The following DSG3 variants were observed in gnomAD, a reference collection of about 807,000 sequenced individuals.
DSG3 encodes the protein desmoglein 3, also known as desmoglein-3.
DSG3 carries 63 observed loss-of-function variants against 85.9 expected under a neutral mutation model. The observed-to-expected ratio is 0.73, with a 90% CI of 0.60 to 0.90. DSG3 has a LOEUF of 0.90. Ranked by LOEUF, DSG3 falls within the 40% of genes least tolerant of loss-of-function variation. DSG3 has a pLI of 0.00. For missense variants in DSG3, 1,220 were observed against 1,219.9 expected, an observed-to-expected ratio of 1.00 and a Z score of 0.00; for synonymous variants, 447 against 441.9, an observed-to-expected ratio of 1.01 and a Z score of -0.14.
At chr18:31,460,803 T>C in intron 6 of DSG3, 30 bp from the exon 7 acceptor site, 1 of 1,544,854 alleles carries the variant, frequency 6.5e-7, no homozygotes, top group South Asian at 1.3e-5. Flanking sequence ...TGGGATTAAT[T>C]ATTTTTCTTT....
intron 15 of DSG3, 24 bp from the exon 16 acceptor site, chr18:31,475,622 T>G (rs1437003054): frequency 5.0e-6 from 8 of 1,597,900 alleles, no homozygotes; most frequent in Non-Finnish European, 6.8e-6. Flanking sequence ...AAATTCATTT[T>G]TTCCCACTTT....
intron 8 of DSG3, 46 bp downstream of exon 8, chr18:31,461,458 C>A (rs1186362197): frequency 1.3e-5 from 18 of 1,430,636 alleles, no homozygotes; most frequent in Non-Finnish European, 1.6e-5. Flanking sequence ...TCTGTATTAA[C>A]CAAAATGATC....
rs2072762787 is a variant in DSG3, at chr18:31,458,461, A to G, written c.233A>G (p.Gln78Arg). 2 of 1,614,024 alleles carry G rather than the reference A, an allele frequency of 1.2e-6. No homozygotes were observed. The highest frequency in any genetic ancestry group is 1.7e-6 in the Non-Finnish European group (2 of 1,179,936). The change falls in exon 4 of 16, where the codon CAA becomes CGA. Residue 78 changes from glutamine to arginine, a missense_variant. Gln to Arg is a conservative substitution (Grantham distance 43, BLOSUM62 1). Transcript: ENST00000257189. ...NPIAKITSDY[Q>R]ATQKITYRIS... Reference sequence around the variant, plus strand: ...GGGCTGTAGATTACTTCAGATTACCAAGCAACCCAGAAAATCACCTACCGA... The same window carrying G: ...GGGCTGTAGATTACTTCAGATTACCGAGCAACCCAGAAAATCACCTACCGA...
At position 31,460,371 on chromosome 18, in the gene DSG3, G is replaced by A. The variant is rs1346432899; in HGVS notation, c.684+360G>A. ...GGGAGAAATTTCTGTCTGGAATAAA[G>A]CCTTCTTTTATATCACACTTTTTCT... On this transcript the variant is annotated intron_variant, in intron 6 of 15. Coordinates refer to ENST00000257189, the MANE Select transcript of DSG3 (RefSeq NM_001944.3). Among the ~76,000 whole-genome samples the A allele has an allele frequency of 3.3e-5, 5 of 152,136 alleles. No individual in the cohort carries two copies. In the East Asian group the frequency reaches 9.6e-4, roughly 29 times the overall value.
At chr18:31,457,577 CTTTCTTTCTTCTTTCTTTCTTTCTTTCT>C (rs2072754630) in intron 3 of DSG3, among the ~76,000 whole-genome samples, 17 of 78,620 alleles carry the variant, frequency 2.2e-4, no homozygotes, top group African/African-American at 6.6e-4. Flanking sequence ...TTCTTTCTTT[CTTTCTTTCTTCTTTCTTTCTTTCTTTCT>C]TTCTTTCTTT....
rs559795174 is a variant in DSG3 at position 31,458,071 on chromosome 18, C to T, written c.217-374C>T. Among the ~76,000 whole-genome samples, 72 of 152,202 alleles carry T rather than the reference C, an allele frequency of 4.7e-4. 1 individual carries two copies. The South Asian group carries it at 0.015, about 31-fold the overall frequency. On this transcript the variant is annotated intron_variant, in intron 3 of 15. Transcript: ENST00000257189. ...TTTCCCTTTTTGTCTCTCCACTTCC[C>T]CCTATTTAAACTAAATAAATATCTT...
chr18:31,454,523 A>G (rs2072729933), intron 1 of DSG3, among the ~76,000 whole-genome samples: 1 of 152,210 alleles, frequency 6.6e-6, no homozygotes, highest in Non-Finnish European at 1.5e-5. Flanking sequence ...TATGTCTGAC[A>G]TAATTACTCA....
In DSG3 at chr18:31,472,332, G is replaced by A; in HGVS notation, c.1946G>A (p.Gly649Glu). Residue 649 changes from glycine to glutamate, a missense_variant, in exon 13 of 16, where the codon GGG (glycine) becomes GAG (glutamate). Physicochemically the swap from Gly to Glu is moderately conservative, Grantham distance 98. Coordinates refer to ENST00000257189, the MANE Select transcript of DSG3 (RefSeq NM_001944.3). The stretch of plus-strand genomic sequence containing the variant: ...TGTGACTGTGGGGCAGGTTCTACTG[G>A]GGGAGTGACAGGTGGTTTTATCCCA... ...LTCDCGAGSTGGVTGGFIPVP... is the reference protein window; with the variant it reads ...LTCDCGAGSTEGVTGGFIPVP... The A allele has an allele frequency of 1.9e-6, 3 of 1,614,118 alleles. No homozygotes were observed. Among genetic ancestry groups the A allele is most frequent in the Non-Finnish European group, 2.5e-6 (3 of 1,179,996 alleles).
chr18:31,469,441 G>A, intron 12 of DSG3, 92 bp downstream of exon 12: 7 of 1,508,938 alleles, frequency 4.6e-6, no homozygotes, highest in Non-Finnish European at 6.2e-6. Context: ...AATGGGGAAA[G>A]AATATTCTCT....
chr18:31,459,104 G>A lies in DSG3; in HGVS notation c.444G>A (p.Leu148=). 1 of 1,613,250 alleles carries A rather than the reference G, an allele frequency of 6.2e-7. No individual in the cohort carries two copies. The highest frequency in any genetic ancestry group is 8.5e-7 in the Non-Finnish European group (1 of 1,179,796). The stretch of plus-strand genomic sequence containing the variant: ...CACTTATACTAACGGTTAAAATTTT[G>A]GATATTAATGATAATCCTCCAGTAT... ...EKPLILTVKI[L]DINDNPPVFS... is the part of the protein sequence containing the mutation. The change falls in exon 5 of 16, where the codon TTG becomes TTA. Residue 148 remains leucine, a synonymous_variant. Coordinates refer to ENST00000257189, the MANE Select transcript of DSG3 (RefSeq NM_001944.3).
At chr18:31,455,871 T>G (rs1275043546) in intron 1 of DSG3, among the ~76,000 whole-genome samples, 5 of 152,242 alleles carry the variant, frequency 3.3e-5, no homozygotes, top group Non-Finnish European at 7.3e-5. Context: ...GTGATTGGAA[T>G]AGCATATCCT....
chr18:31,461,038 T>C, intron 7 of DSG3, 77 bp downstream of exon 7: 1 of 1,416,248 alleles, frequency 7.1e-7, no homozygotes. Context: ...ACTTGCCTGT[T>C]TGTTGGCTTT....
chr18:31,466,415 A>G lies in DSG3; in HGVS notation c.1412-115A>G, dbSNP rs962921015. On this transcript the variant is annotated intron_variant, in intron 10 of 15. Coordinates refer to ENST00000257189, the MANE Select transcript of DSG3 (RefSeq NM_001944.3). ...TTTTTACTTCTGAGGATAATATAGT[A>G]TTTCATGAGAAGACACACTGAGTTG... is the stretch of plus-strand genomic sequence containing the variant. 11 of 855,486 alleles carry G rather than the reference A, an allele frequency of 1.3e-5. No individual in the cohort carries two copies. The South Asian group carries it at 1.7e-4, about 13-fold the overall frequency. 53.0% of individuals were successfully genotyped at this position (855,486 alleles called of 1,614,324 possible). A position where few individuals can be genotyped will look rare whatever the true frequency, so the allele number is the denominator to read the frequency against.
chr18:31,469,174 T>G lies in DSG3; in HGVS notation c.1722T>G (p.Asn574Lys), dbSNP rs1481823806. 1.2e-6 allele frequency: 2 copies of G among 1,614,026 alleles called. No individual in the cohort carries two copies. The highest frequency in any genetic ancestry group is 2.2e-5 in the South Asian group (2 of 91,082). Residue 574 changes from asparagine to lysine, a missense_variant, in exon 12 of 16, where the codon AAT becomes AAG. Transcript: ENST00000257189. The part of the protein sequence containing the change: ...ISLVLTDSQN[N>K]RCEMPRSLTL... ...TGGTACTTACAGACAGTCAGAACAA[T>G]CGGTGTGAGATGCCACGCAGCTTGA...
chr18:31,447,943 C>T lies in DSG3; in HGVS notation c.48+18C>T, dbSNP rs368550203. On this transcript the variant is annotated intron_variant, in intron 1 of 15. Coordinates refer to ENST00000257189, the MANE Select transcript of DSG3 (RefSeq NM_001944.3). ...TCTTCGTGGTAAGTCCTGGATTTTC[C>T]TAATAATCACAAACTTCCCTGCTTC... 1 of 1,540,820 alleles carries T rather than the reference C, an allele frequency of 6.5e-7. No homozygotes were observed. The highest frequency in any genetic ancestry group is 8.7e-7 in the Non-Finnish European group (1 of 1,146,240).
At chr18:31,470,458 A>T (rs2072848966) in intron 12 of DSG3, among the ~76,000 whole-genome samples, 1 of 152,168 alleles carries the variant, frequency 6.6e-6, no homozygotes, top group Admixed American at 6.5e-5. Context: ...TACTATTCTA[A>T]AGTTATTATA....
At chr18:31,458,841 G>A (rs1381824766) in intron 4 of DSG3, among the ~76,000 whole-genome samples, 192 bp from the exon 5 acceptor site, 1 of 152,192 alleles carries the variant, frequency 6.6e-6, no homozygotes, top group Non-Finnish European at 1.5e-5. Context: ...GCATTAGCCT[G>A]GTGGAAGGGG....
In DSG3 at chr18:31,469,318, C is replaced by T. The variant is rs375825713; in HGVS notation, c.1866C>T (p.Gly622=). Reference sequence around the variant, plus strand: ...GGAGGCTGGGGCCTGCCGCCATCGGCCTGCTGCTCCTTGGTCTCCTGCTGC... The same window carrying T: ...GGAGGCTGGGGCCTGCCGCCATCGGTCTGCTGCTCCTTGGTCTCCTGCTGC... ...HSGRLGPAAI[G]LLLLGLLLLL... The change falls in exon 12 of 16, where the codon GGC becomes GGT. Residue 622 remains glycine, a synonymous_variant. Coordinates refer to ENST00000257189, the MANE Select transcript of DSG3 (RefSeq NM_001944.3). 3.1e-6 allele frequency: 5 copies of T among 1,613,278 alleles called. No homozygotes were observed. Among genetic ancestry groups the T allele is most frequent in the Non-Finnish European group, 4.2e-6 (5 of 1,180,038 alleles).
intron 1 of DSG3, among the ~76,000 whole-genome samples, chr18:31,449,123 C>T (rs888285734): frequency 6.6e-6 from 1 of 152,150 alleles, no homozygotes; most frequent in African/African-American, 2.4e-5. Context: ...GTCTCAAACT[C>T]CTAGCCTCAA....
Sources: allele counts gnomAD v4.1 joint callset (sites outside exome capture counted in the v4.1 genomes callset), GRCh38; gene constraint gnomAD v4.1.1; transcripts MANE v1.5; gene names NCBI Gene and HGNC (gene_info 2026-07-23, HGNC 2026-07-21).